Variants in TAB2 observed in about 807,000 individuals in gnomAD.
TAB2 encodes the protein TGF-beta activated kinase 1 (MAP3K7) binding protein 2.
Under a neutral mutation model 65.0 loss-of-function variants are expected in TAB2, and 3 were observed. The ratio of observed to expected loss-of-function variants is 0.05; its 90% CI spans 0.02 to 0.12. The LOEUF is 0.12. TAB2 is among the 10% of genes least tolerant of loss of function. The pLI, the probability that TAB2 is intolerant of heterozygous loss-of-function variation, is 1.00. For missense variants in TAB2, 623 were observed against 840.3 expected, an observed-to-expected ratio of 0.74 and a Z score of 3.20; for synonymous variants, 298 against 285.1, an observed-to-expected ratio of 1.05 and a Z score of -0.46.
chr6:149,325,774 A>C (rs1423342383), intron 1 of TAB2, among the ~76,000 whole-genome samples: 1 of 152,114 alleles, frequency 6.6e-6, no homozygotes, highest in Non-Finnish European at 1.5e-5. Flanking sequence ...GTGTCTCGCT[A>C]TGTTGCCCAG....
At chr6:149,381,961 G>A (rs769937644) in intron 3 of TAB2, among the ~76,000 whole-genome samples, 11 of 152,046 alleles carry the variant, frequency 7.2e-5, no homozygotes, top group Non-Finnish European at 1.2e-4. Flanking sequence ...ACCCATTCTC[G>A]TCCTTGCCTC....
chr6:149,284,645 TACACACACACACACACACAC>T (rs59723819), intron 1 of TAB2, among the ~76,000 whole-genome samples: 25,604 of 141,608 alleles, frequency 0.18, 2,446 homozygotes, highest in East Asian at 0.38. Flanking sequence ...ATGATCTCTT[TACACACACACACACACACAC>T]ACACACACAC....
chr6:149,236,301 G>A (rs1028849615), intron 1 of TAB2, among the ~76,000 whole-genome samples: 4 of 152,192 alleles, frequency 2.6e-5, no homozygotes, highest in East Asian at 1.9e-4. Context: ...GTATTCAAGC[G>A]TAAGTCACAG....
In TAB2 at chr6:149,411,401, T is replaced by TA. The variant is rs1782858876; in HGVS notation, c.*1683dup. 6.6e-6 allele frequency: 1 copy of TA among 152,592 alleles called. No individual in the cohort carries two copies. The highest frequency in any genetic ancestry group is 2.4e-5 in the African/African-American group (1 of 41,430). 9.5% of individuals were successfully genotyped at this position (152,592 alleles called of 1,614,324 possible). On this transcript the variant is annotated 3_prime_UTR_variant, in exon 7 of 7. Transcript: ENST00000637181. ...AATTAAACCATAGACCCAAAGCCCT[T>TA]ACGTTTGATGCAATTTATTTTTAAA...
chr6:149,380,656 C>T (rs1781576205), intron 3 of TAB2, among the ~76,000 whole-genome samples: 1 of 152,146 alleles, frequency 6.6e-6, no homozygotes, highest in South Asian at 2.1e-4. Flanking sequence ...TGTAGATGAA[C>T]TGAGCCTTTT....
intron 1 of TAB2, among the ~76,000 whole-genome samples, chr6:149,341,177 G>A (rs2114779049): frequency 6.6e-6 from 1 of 152,160 alleles, no homozygotes; most frequent in East Asian, 1.9e-4. Flanking sequence ...CTTGGAAAGA[G>A]AATTACATGT....
intron 1 of TAB2, among the ~76,000 whole-genome samples, chr6:149,336,189 T>C (rs1779930040): frequency 6.6e-6 from 1 of 152,214 alleles, no homozygotes; most frequent in Admixed American, 6.5e-5. Context: ...GAATGAATCA[T>C]TGTCTTGTGC....
intron 1 of TAB2, among the ~76,000 whole-genome samples, chr6:149,259,559 T>G (rs1449895125): frequency 2.0e-5 from 3 of 152,204 alleles, no homozygotes; most frequent in Non-Finnish European, 4.4e-5. Context: ...AATTAATACC[T>G]GCACCATTGG....
chr6:149,318,174 C>T (rs1318829731), intron 1 of TAB2, among the ~76,000 whole-genome samples, 159 bp downstream of exon 1: 2 of 152,104 alleles, frequency 1.3e-5, no homozygotes, highest in East Asian at 1.9e-4. Context: ...CGCCTCTTTC[C>T]TTCCCCCAGT....
At chr6:149,380,744 A>G (rs953864851) in intron 3 of TAB2, among the ~76,000 whole-genome samples, 4 of 152,232 alleles carry the variant, frequency 2.6e-5, no homozygotes, top group Admixed American at 6.5e-5. Flanking sequence ...GGAAAATACT[A>G]TAACATCACC....
At chr6:149,255,910 A>G (rs1778019562) in intron 1 of TAB2, among the ~76,000 whole-genome samples, 2 of 152,152 alleles carry the variant, frequency 1.3e-5, no homozygotes, top group South Asian at 4.1e-4. Context: ...CTCCTCAAAA[A>G]CCTCTCAGTA....
intron 1 of TAB2, among the ~76,000 whole-genome samples, chr6:149,362,048 A>T (rs1194527155): frequency 6.6e-6 from 1 of 152,164 alleles, no homozygotes; most frequent in Non-Finnish European, 1.5e-5. Flanking sequence ...GTCTCTAAGA[A>T]TTTTCAGATA....
intron 1 of TAB2, among the ~76,000 whole-genome samples, chr6:149,332,058 G>A (rs1435116103): frequency 6.6e-6 from 1 of 152,156 alleles, no homozygotes; most frequent in African/African-American, 2.4e-5. Flanking sequence ...GAGAATTCAA[G>A]GATGACAAGA....
intron 1 of TAB2, among the ~76,000 whole-genome samples, chr6:149,287,557 T>C (rs545901933): frequency 2.0e-5 from 3 of 152,118 alleles, no homozygotes; most frequent in African/African-American, 7.2e-5. Flanking sequence ...TTTTTAAAAG[T>C]TGTTGTAAAG....
chr6:149,324,202 C>CAGAG (rs767642464), intron 1 of TAB2, among the ~76,000 whole-genome samples: 1 of 149,786 alleles, frequency 6.7e-6, no homozygotes, highest in Admixed American at 6.7e-5. Context: ...AAAGGTCCTG[C>CAGAG]AGAGAGAGAG....
intron 3 of TAB2, among the ~76,000 whole-genome samples, chr6:149,386,582 A>G (rs529005353): frequency 2.0e-5 from 3 of 152,344 alleles, no homozygotes; most frequent in Admixed American, 1.3e-4. Context: ...TAGCAGCAAC[A>G]TGTTCTTTCC....
chr6:149,346,755 G>C lies in TAB2; in HGVS notation c.-89-23154G>C, dbSNP rs139663186. 7.4e-3 allele frequency among the ~76,000 whole-genome samples: 1,129 copies of C among 151,890 alleles called. 14 individuals are homozygous for C. The highest frequency in any genetic ancestry group is 0.026 in the African/African-American group (1,091 of 41,424). On this transcript the variant is annotated intron_variant, in intron 1 of 6. Transcript: ENST00000637181. ...AGGCATAAGCCACCGTGCCCAGCTG[G>C]TGATACTTCTTATAACTTTCTCTGA...
At chr6:149,331,578 ATAG>A (rs1259024781) in intron 1 of TAB2, among the ~76,000 whole-genome samples, 1 of 152,112 alleles carries the variant, frequency 6.6e-6, no homozygotes, top group Non-Finnish European at 1.5e-5. Flanking sequence ...CTGTTTCATA[ATAG>A]TGGTGGGAGC....
intron 1 of TAB2, among the ~76,000 whole-genome samples, chr6:149,306,101 G>C (rs1385400697): frequency 6.6e-6 from 1 of 152,154 alleles, no homozygotes. Context: ...GGACTAAACA[G>C]TCTTGTTGAA....
Sources: allele counts gnomAD v4.1 joint callset (sites outside exome capture counted in the v4.1 genomes callset), GRCh38; gene constraint gnomAD v4.1.1; transcripts MANE v1.5; gene names NCBI Gene and HGNC (gene_info 2026-07-23, HGNC 2026-07-21).